OPCML: variants seen among roughly 807,000 people sequenced by gnomAD.
OPCML encodes the protein opioid-binding protein/cell adhesion molecule.
In OPCML, 13 loss-of-function variants were observed where a neutral mutation model predicts 37.8. The ratio of observed to expected loss-of-function variants is 0.34; its 90% CI spans 0.22 to 0.55. The LOEUF (loss-of-function observed/expected upper bound fraction) is 0.55, where lower values mean the gene tolerates loss of function less well. OPCML is among the 20% of genes least tolerant of loss of function. The pLI, the probability that OPCML is intolerant of heterozygous loss-of-function variation, is 0.91. For missense variants in OPCML, 341 were observed against 435.6 expected (o/e 0.78, Z 1.93); for synonymous variants, 176 against 168.8 (o/e 1.04, Z -0.33).
intron 7 of OPCML, among the ~76,000 whole-genome samples, chr11:132,425,440 T>C (rs560415151): frequency 9.2e-5 from 14 of 152,274 alleles, no homozygotes; most frequent in African/African-American, 3.1e-4. Context: ...CAGGAAGACT[T>C]TGGACAAGAC....
At chr11:132,977,465 A>G in intron 1 of OPCML, among the ~76,000 whole-genome samples, 1 of 152,244 alleles carries the variant, frequency 6.6e-6, no homozygotes, top group East Asian at 1.9e-4. Flanking sequence ...CTATCTACTC[A>G]TATCGCAGTC....
intron 1 of OPCML, among the ~76,000 whole-genome samples, chr11:132,966,864 C>A (rs1946226599): frequency 6.6e-6 from 1 of 151,952 alleles, no homozygotes; most frequent in Admixed American, 6.6e-5. Context: ...GCCACTCCAG[C>A]TTTTTAATTC....
At chr11:133,470,369 A>G (rs771584395) in intron 1 of OPCML, among the ~76,000 whole-genome samples, 1 of 152,170 alleles carries the variant, frequency 6.6e-6, no homozygotes, top group Non-Finnish European at 1.5e-5. Context: ...ATCTGAAATT[A>G]TTTGCTTAAT....
At chr11:132,611,913 A>C (rs1274459922) in intron 3 of OPCML, among the ~76,000 whole-genome samples, 1 of 152,156 alleles carries the variant, frequency 6.6e-6, no homozygotes, top group Non-Finnish European at 1.5e-5. Flanking sequence ...TGGTCACCCT[A>C]CTCAAGGCCA....
intron 1 of OPCML, chr11:133,003,732 A>G: frequency 3.0e-6 from 3 of 985,396 alleles, no homozygotes; most frequent in Non-Finnish European, 3.6e-6. Flanking sequence ...TGAATATCTG[A>G]CTTCCTGGAG....
intron 1 of OPCML, among the ~76,000 whole-genome samples, chr11:132,971,040 T>C (rs540500225): frequency 5.9e-5 from 9 of 152,246 alleles, no homozygotes; most frequent in Admixed American, 4.6e-4. Flanking sequence ...CAATCCCTTA[T>C]AGCACAGTAC....
In OPCML at chr11:133,006,128, G is replaced by T. The variant is rs1327508450; in HGVS notation, c.62-63118C>A. The T allele has an allele frequency of 3.0e-6, 3 of 985,046 alleles. No homozygotes were observed. The African/African-American group carries it at 5.2e-5, about 17-fold the overall frequency. The allele number at this position is 985,046 out of a possible 1,614,324, so 61.0% of individuals were successfully genotyped here. ...TGGGGTCATTGTGAGACAGCCAGGT[G>T]GGAGGAGATCCCTGGAGAAGCTCCA... On this transcript the variant is annotated intron_variant, in intron 1 of 7. Transcript: ENST00000524381.
rs139060098 is a variant in OPCML at position 132,984,336 on chromosome 11, A to C, written c.62-41326T>G. Reference sequence around the variant, plus strand: ...TCACAAATATTTATTAAGTACTTACAATATAATGGCAATCAATATGTTATA... The same window carrying C: ...TCACAAATATTTATTAAGTACTTACCATATAATGGCAATCAATATGTTATA... On this transcript the variant is annotated intron_variant, in intron 1 of 7. Transcript: ENST00000524381. 8.5e-5 allele frequency among the ~76,000 whole-genome samples: 13 copies of C among 152,324 alleles called. No individual in the cohort carries two copies. In the East Asian group the frequency reaches 2.5e-3, roughly 29 times the overall value.
At chr11:132,456,432 T>C (rs1390581494) in intron 4 of OPCML, among the ~76,000 whole-genome samples, 1 of 152,204 alleles carries the variant, frequency 6.6e-6, no homozygotes, top group Non-Finnish European at 1.5e-5. Flanking sequence ...TTTTTAGAGT[T>C]CAGGGATTTT....
chr11:132,890,087 A>AT (rs1390963118), intron 2 of OPCML, among the ~76,000 whole-genome samples: 1 of 152,006 alleles, frequency 6.6e-6, no homozygotes, highest in Non-Finnish European at 1.5e-5. Flanking sequence ...GGCCTTTGTA[A>AT]TTTTTTTCTA....
chr11:133,450,890 A>G (rs894161509), intron 1 of OPCML, among the ~76,000 whole-genome samples: 1 of 151,838 alleles, frequency 6.6e-6, no homozygotes, highest in Non-Finnish European at 1.5e-5. Flanking sequence ...GAATTATTGA[A>G]TAGACAGTGT....
chr11:132,659,230 G>A (rs1239150939), intron 2 of OPCML, among the ~76,000 whole-genome samples: 1 of 152,088 alleles, frequency 6.6e-6, no homozygotes, highest in African/African-American at 2.4e-5. Context: ...AAGACCTAAT[G>A]GATCTTAAAC....
chr11:132,727,918 T>C (rs6590652), intron 2 of OPCML, among the ~76,000 whole-genome samples: 8,513 of 152,280 alleles, frequency 0.056, 689 homozygotes, highest in African/African-American at 0.18. Flanking sequence ...CACGCAGCTC[T>C]GGGCTTCCCC....
chr11:133,156,855 GC>G (rs1950069322), intron 1 of OPCML, among the ~76,000 whole-genome samples: 1 of 151,976 alleles, frequency 6.6e-6, no homozygotes, highest in African/African-American at 2.4e-5. Flanking sequence ...TAAATGAATT[GC>G]CTGAAAACCT....
At chr11:132,968,215 A>C (rs564324641) in intron 1 of OPCML, among the ~76,000 whole-genome samples, 194 of 152,326 alleles carry the variant, frequency 1.3e-3, no homozygotes, top group Non-Finnish European at 2.3e-3. Context: ...GAGAGTGGTT[A>C]AATTTAGCAT....
intron 2 of OPCML, among the ~76,000 whole-genome samples, chr11:132,938,040 C>T (rs1945450274): frequency 6.6e-6 from 1 of 151,986 alleles, no homozygotes; most frequent in South Asian, 2.1e-4. Context: ...CGCTAACCAA[C>T]TGCTGTGCCT....
In OPCML at chr11:133,103,967, G is replaced by GT. The variant is rs1949122179; in HGVS notation, c.62-160958dup. On this transcript the variant is annotated intron_variant, in intron 1 of 7. Transcript: ENST00000524381. ...TGTTAATGAGCCTTTCACAGTGCAAGTTTTTTCAGGAAAGAGATATAATAG... is the reference window on the plus strand; with the variant it reads ...TGTTAATGAGCCTTTCACAGTGCAAGTTTTTTTCAGGAAAGAGATATAATAG... 2.0e-5 allele frequency among the ~76,000 whole-genome samples: 3 copies of GT among 152,344 alleles called. No individual in the cohort carries two copies. The South Asian group carries it at 6.2e-4, about 32-fold the overall frequency.
intron 3 of OPCML, among the ~76,000 whole-genome samples, chr11:132,625,012 A>T (rs1443524200): frequency 6.6e-6 from 1 of 152,094 alleles, no homozygotes; most frequent in East Asian, 1.9e-4. Flanking sequence ...CAAAAGACCC[A>T]ACTTCAACAC....
intron 1 of OPCML, among the ~76,000 whole-genome samples, chr11:133,462,409 G>A (rs1171101904): frequency 6.6e-6 from 1 of 151,848 alleles, no homozygotes; most frequent in African/African-American, 2.4e-5. Context: ...TGCAACCTAT[G>A]GAGTAAAAAC....
Sources: gnomAD v4.1 joint callset for allele counts (sites outside exome capture counted in the v4.1 genomes callset) on GRCh38, gnomAD v4.1.1 for gene constraint, MANE v1.5 for transcripts, NCBI Gene and HGNC (gene_info 2026-07-23, HGNC 2026-07-21) for gene names.